Variants in NEO1 observed in about 807,000 individuals in gnomAD.
NEO1 encodes neogenin.
NEO1 carries 63 observed loss-of-function variants against 159.7 expected under a neutral mutation model. The ratio of observed to expected loss-of-function variants is 0.39; its 90% CI spans 0.32 to 0.49. The LOEUF is 0.49. Among genes scored for constraint, NEO1 ranks in the 20% least tolerant of loss-of-function variants. The pLI, the probability that NEO1 is intolerant of heterozygous loss-of-function variation, is 0.85. For missense variants in NEO1, 1,615 were observed against 1,831.0 expected (o/e 0.88, Z 2.15); for synonymous variants, 633 against 662.0 (o/e 0.96, Z 0.67).
intron 8 of NEO1, among the ~76,000 whole-genome samples, chr15:73,239,707 A>G (rs950832749): frequency 6.6e-6 from 1 of 152,194 alleles, no homozygotes; most frequent in Non-Finnish European, 1.5e-5. Context: ...ATATACACCT[A>G]GCTATACCAT....
At position 73,270,221 on chromosome 15, in the gene NEO1, C is replaced by G; in HGVS notation, c.2706C>G (p.Asn902Lys). Residue 902 changes from asparagine (N) to lysine (K), a missense_variant, in exon 17 of 29, where the codon AAC becomes AAG. Asn to Lys is a moderately conservative substitution (Grantham distance 94). Around this residue, in one of 3 missense-constraint regions of NEO1, gnomAD observed 126 missense variants for 216.7 expected, o/e 0.58. Coordinates refer to ENST00000261908, the MANE Select transcript of NEO1 (RefSeq NM_002499.4). ...TVRWKTNIPANTKYKNANATT... is the reference protein window; with the variant it reads ...TVRWKTNIPAKTKYKNANATT... Reference sequence around the variant, plus strand: ...GATGGAAAACCAACATCCCAGCAAACACCAAGTACAAGGTACTGACACATT... The same window carrying G: ...GATGGAAAACCAACATCCCAGCAAAGACCAAGTACAAGGTACTGACACATT... 6.2e-7 allele frequency: 1 copy of G among 1,614,196 alleles called. No homozygotes were observed. The highest frequency in any genetic ancestry group is 8.5e-7 in the Non-Finnish European group (1 of 1,180,028).
intron 12 of NEO1, 109 bp downstream of exon 12, chr15:73,253,558 G>A (rs77570871): frequency 0.022 from 14,529 of 666,638 alleles, 294 homozygotes; most frequent in Admixed American, 0.068. Flanking sequence ...AATGAATGGC[G>A]ATGTGGTAAT....
intron 1 of NEO1, among the ~76,000 whole-genome samples, chr15:73,054,208 T>A (rs1351702178): frequency 6.6e-6 from 1 of 152,272 alleles, no homozygotes; most frequent in African/African-American, 2.4e-5. Context: ...AACAAGTTCC[T>A]GTTACTCATG....
At chr15:73,083,434 AC>A (rs1235313877) in intron 1 of NEO1, among the ~76,000 whole-genome samples, 1 of 151,914 alleles carries the variant, frequency 6.6e-6, no homozygotes. Flanking sequence ...TAAATATAAA[AC>A]ATATATATAT....
chr15:73,225,321 T>C (rs1469916289), intron 7 of NEO1, among the ~76,000 whole-genome samples: 1 of 152,110 alleles, frequency 6.6e-6, no homozygotes, highest in Non-Finnish European at 1.5e-5. Context: ...GCATCAGCTG[T>C]GGTAGTATAG....
At chr15:73,063,096 A>G (rs2068053947) in intron 1 of NEO1, among the ~76,000 whole-genome samples, 1 of 152,216 alleles carries the variant, frequency 6.6e-6, no homozygotes, top group South Asian at 2.1e-4. Flanking sequence ...AATTATATAA[A>G]ATGATAAAGT....
chr15:73,223,601 C>T (rs1444064172), intron 7 of NEO1, among the ~76,000 whole-genome samples: 3 of 152,130 alleles, frequency 2.0e-5, no homozygotes, highest in Non-Finnish European at 2.9e-5. Context: ...AGAATAGCTA[C>T]CCCTGCTCGC....
chr15:73,185,666 A>C (rs1247211430), intron 7 of NEO1, among the ~76,000 whole-genome samples: 3 of 152,196 alleles, frequency 2.0e-5, no homozygotes, highest in African/African-American at 7.2e-5. Context: ...TGCTAACACA[A>C]AATTTACACA....
intron 11 of NEO1, among the ~76,000 whole-genome samples, chr15:73,251,659 T>C (rs1394085361): frequency 1.3e-5 from 2 of 152,186 alleles, no homozygotes; most frequent in Non-Finnish European, 2.9e-5. Context: ...CTGTTAAATC[T>C]ACACACGAGC....
At chr15:73,225,751 C>T (rs993503886) in intron 7 of NEO1, among the ~76,000 whole-genome samples, 2 of 152,306 alleles carry the variant, frequency 1.3e-5, no homozygotes, top group Admixed American at 1.3e-4. Flanking sequence ...TGATTCTTCC[C>T]CAGCCTGTGG....
intron 9 of NEO1, among the ~76,000 whole-genome samples, chr15:73,246,828 G>A (rs980788878): frequency 1.3e-5 from 2 of 152,198 alleles, no homozygotes; most frequent in Non-Finnish European, 2.9e-5. Flanking sequence ...ACATCAGATT[G>A]TTGAGAACCA....
chr15:73,165,465 A>G (rs2034508320), intron 5 of NEO1, among the ~76,000 whole-genome samples: 2 of 152,362 alleles, frequency 1.3e-5, no homozygotes, highest in African/African-American at 2.4e-5. Flanking sequence ...AACAGTAGGG[A>G]GAATCAGAGA....
chr15:73,059,566 C>T (rs763771024), intron 1 of NEO1, among the ~76,000 whole-genome samples: 3 of 152,132 alleles, frequency 2.0e-5, no homozygotes, highest in Non-Finnish European at 4.4e-5. Flanking sequence ...TTTCTGTCCT[C>T]AGGAAGCATT....
intron 22 of NEO1, among the ~76,000 whole-genome samples, chr15:73,278,778 A>G (rs1264116171): frequency 6.6e-6 from 1 of 152,240 alleles, no homozygotes; most frequent in Non-Finnish European, 1.5e-5. Flanking sequence ...CGTTTAATAC[A>G]TTCAGAAACT....
chr15:73,113,690 C>T (rs570914369), intron 1 of NEO1, among the ~76,000 whole-genome samples: 2 of 152,222 alleles, frequency 1.3e-5, no homozygotes, highest in South Asian at 4.1e-4. Flanking sequence ...CAGTGTGGAA[C>T]AGGAAATGTG....
rs772877128 is a variant in NEO1 at position 73,289,157 on chromosome 15, G to C, written c.3661G>C (p.Glu1221Gln). ...CGTTTAACATCTAGGGCATGAGTCAGAGGACAGCATGTCTACACTGGCTGG... is the reference window on the plus strand; with the variant it reads ...CGTTTAACATCTAGGGCATGAGTCACAGGACAGCATGTCTACACTGGCTGG... ...RRNSYRGHES[E>Q]DSMSTLAGRR... The change falls in exon 25 of 29, where the codon GAG becomes CAG. Residue 1221 changes from glutamate (E) to glutamine (Q), a missense_variant. Around this residue, in one of 3 missense-constraint regions of NEO1, gnomAD observed 471 missense variants for 498.9 expected, o/e 0.94. Transcript: ENST00000261908. The C allele has an allele frequency of 2.5e-6, 4 of 1,613,920 alleles. No individual in the cohort carries two copies. Among genetic ancestry groups the C allele is most frequent in the Non-Finnish European group, 3.4e-6 (4 of 1,179,968 alleles).
At chr15:73,165,193 T>C (rs2034488482) in intron 5 of NEO1, among the ~76,000 whole-genome samples, 1 of 151,528 alleles carries the variant, frequency 6.6e-6, no homozygotes. Context: ...GTATATGTGA[T>C]GTGTTTTAAA....
chr15:73,246,624 T>C (rs941150536), intron 9 of NEO1, among the ~76,000 whole-genome samples: 2 of 152,196 alleles, frequency 1.3e-5, no homozygotes, highest in African/African-American at 4.8e-5. Flanking sequence ...GGAATTTGCA[T>C]GACCCAAATC....
intron 23 of NEO1, among the ~76,000 whole-genome samples, chr15:73,284,884 G>C (rs1714531): frequency 2.6e-5 from 4 of 151,904 alleles, no homozygotes; most frequent in Non-Finnish European, 2.9e-5. Context: ...CACTGCGCCC[G>C]GCCCTGTCTA....
Sources: allele counts gnomAD v4.1 joint callset (sites outside exome capture counted in the v4.1 genomes callset), GRCh38; gene constraint gnomAD v4.1.1; regional missense constraint gnomAD v4.1.1; transcripts MANE v1.5; gene names NCBI Gene and HGNC (gene_info 2026-07-23, HGNC 2026-07-21).